The following NIFK variants were observed in gnomAD, a reference collection of about 807,000 sequenced individuals.
NIFK encodes the protein nucleolar protein interacting with the FHA domain of MKI67.
Under a neutral mutation model 31.7 loss-of-function variants are expected in NIFK, and 16 were observed. That is an observed-to-expected ratio of 0.50 (90% CI 0.34 to 0.77). The LOEUF (loss-of-function observed/expected upper bound fraction) is 0.77, where lower values mean the gene tolerates loss of function less well. Ranked by LOEUF, NIFK falls within the 30% of genes least tolerant of loss-of-function variation. The pLI, the probability that NIFK is intolerant of heterozygous loss-of-function variation, is 0.01. For synonymous variants in NIFK, 126 were observed against 123.0 expected, an observed-to-expected ratio of 1.02 and a Z score of -0.16; for missense variants, 341 against 350.4, an observed-to-expected ratio of 0.97 and a Z score of 0.21.
Position 121,734,252 on chromosome 2 carries a change from C to T in NIFK, c.243+1361G>A, listed in dbSNP as rs191116010. ...CAGAGGTTGCAGTGAGCCGAGATCG[C>T]CCCCCAAAACAAAACCTAATGTTCA... On this transcript the variant is annotated intron_variant, in intron 2 of 6. Coordinates refer to ENST00000285814, the MANE Select transcript of NIFK (RefSeq NM_032390.5). 4.2e-4 allele frequency among the ~76,000 whole-genome samples: 63 copies of T among 151,620 alleles called. No individual in the cohort carries two copies. The East Asian group carries it at 0.012, about 30-fold the overall frequency.
intron 3 of NIFK, 101 bp from the exon 4 acceptor site, chr2:121,731,205 T>G (rs192710757): frequency 3.0e-6 from 2 of 656,436 alleles, no homozygotes; most frequent in Non-Finnish European, 5.2e-6. Context: ...CTGGGTACAG[T>G]GGCTCACACC....
chr2:121,733,376 G>A (rs1183099414), intron 2 of NIFK, among the ~76,000 whole-genome samples: 1 of 151,980 alleles, frequency 6.6e-6, no homozygotes, highest in African/African-American at 2.4e-5. Flanking sequence ...TTAGCTGGGT[G>A]TGGTGGTGCA....
intron 1 of NIFK, among the ~76,000 whole-genome samples, chr2:121,735,970 G>A (rs1014707039): frequency 6.6e-6 from 1 of 152,120 alleles, no homozygotes; most frequent in Non-Finnish European, 1.5e-5. Flanking sequence ...TATAATATTA[G>A]AGCTCAATAA....
In NIFK at chr2:121,728,520, T is replaced by C. The variant is rs773329467; in HGVS notation, c.581A>G (p.Glu194Gly). The change falls in exon 5 of 7, where the codon GAA (glutamate) becomes GGA (glycine). Residue 194 changes from glutamate to glycine, a missense_variant. By Grantham distance (98) the Glu-to-Gly change is moderately conservative. Transcript: ENST00000285814. ...CTGACGATTAGTTTTTGAAATACTT[T>C]CCGTTTTCTGTAAAATCTTTAATAA... is the stretch of plus-strand genomic sequence containing the variant. ...DFPSLILQKT[E>G]SISKTNRQTS... 1.9e-6 allele frequency: 3 copies of C among 1,580,088 alleles called. No individual in the cohort carries two copies. The South Asian group carries it at 3.5e-5, about 19-fold the overall frequency.
intron 4 of NIFK, among the ~76,000 whole-genome samples, chr2:121,730,018 G>C (rs1477412421): frequency 3.3e-5 from 5 of 152,138 alleles, no homozygotes; most frequent in Non-Finnish European, 7.3e-5. Context: ...TTCGAGACCA[G>C]ACTGACCAAC....
intron 3 of NIFK, among the ~76,000 whole-genome samples, chr2:121,731,856 A>T (rs1205356210): frequency 6.6e-6 from 1 of 152,184 alleles, no homozygotes; most frequent in African/African-American, 2.4e-5. Context: ...TGCTCCTCCC[A>T]TGTGTCCCCA....
At chr2:121,731,330 G>A in intron 3 of NIFK, 1 of 517,264 alleles carries the variant, frequency 1.9e-6, no homozygotes, top group East Asian at 3.3e-5. Flanking sequence ...CATGGGCACA[G>A]GGAAGCCAGA....
intron 4 of NIFK, among the ~76,000 whole-genome samples, chr2:121,730,121 G>A (rs2074526918): frequency 6.6e-6 from 1 of 152,206 alleles, no homozygotes; most frequent in South Asian, 2.1e-4. Context: ...GGGTGAGGCA[G>A]GAGAATTGCT....
At chr2:121,729,259 C>T (rs930696666) in intron 4 of NIFK, among the ~76,000 whole-genome samples, 2 of 150,260 alleles carry the variant, frequency 1.3e-5, no homozygotes, top group African/African-American at 4.9e-5. Context: ...CCCAGCTACT[C>T]GTGGGGGCTG....
rs997279328 is a variant in NIFK, at chr2:121,727,095, C to G, written c.*629G>C. 3 of 165,246 alleles carry G rather than the reference C, an allele frequency of 1.8e-5. No individual in the cohort carries two copies. The highest frequency in any genetic ancestry group is 7.2e-5 in the African/African-American group (3 of 41,520). The allele number at this position is 165,246 out of a possible 1,614,324, so 10.2% of individuals were successfully genotyped here. On this transcript the variant is annotated 3_prime_UTR_variant, in exon 7 of 7. Transcript: ENST00000285814. ...TGGTTATTGTTTGAATCTTGAAATA[C>G]AATTCTTCACTGATGATACTGGTAT... is the stretch of plus-strand genomic sequence containing the variant.
intron 2 of NIFK, among the ~76,000 whole-genome samples, chr2:121,734,656 G>A (rs1030170913): frequency 6.6e-6 from 1 of 152,118 alleles, no homozygotes; most frequent in African/African-American, 2.4e-5. Flanking sequence ...AGCCAGGCAT[G>A]GTGGCAGGCG....
Position 121,728,348 on chromosome 2 carries a change from AC to A in NIFK, c.632del (p.Arg211LeufsTer42), listed in dbSNP as rs1416215077. 1 of 1,599,658 alleles carries A rather than the reference AC, an allele frequency of 6.3e-7. No individual in the cohort carries two copies. The highest frequency in any genetic ancestry group is 8.6e-7 in the Non-Finnish European group (1 of 1,168,754). Reference protein sequence around the residue: ...RQTSTKGQVLRKKKKKVSGTL... With the variant: ...RQTSTKGQVLXKKKKKVSGTL... ...TACCTGAAACTTTTTTCTTCTTCTT[AC>A]GTAAAACCTTAAAATAAATTTTAAA... is the stretch of plus-strand genomic sequence containing the variant. On this transcript the variant is annotated frameshift_variant, in exon 6 of 7. Transcript: ENST00000285814. LOFTEE classifies it high-confidence loss of function.
rs949825320 is a variant in NIFK at position 121,728,507 on chromosome 2, T to C, written c.594A>G (p.Lys198=). Residue 198 remains lysine, a synonymous_variant, in exon 5 of 7, where the codon AAA becomes AAG. Transcript: ENST00000285814. The part of the protein sequence containing the change: ...LILQKTESIS[K]TNRQTSTKGQ... ...CTTTTGTAGACGTCTGACGATTAGT[T>C]TTTGAAATACTTTCCGTTTTCTGTA... 2 of 1,585,820 alleles carry C rather than the reference T, an allele frequency of 1.3e-6. No homozygotes were observed. Among genetic ancestry groups the C allele is most frequent in the African/African-American group, 2.7e-5 (2 of 73,242 alleles).
intron 4 of NIFK, among the ~76,000 whole-genome samples, chr2:121,729,236 G>C (rs1355265679): frequency 6.6e-6 from 1 of 151,916 alleles, no homozygotes; most frequent in South Asian, 2.1e-4. Context: ...GTGTGGTGGT[G>C]TGTGCCTGTA....
At chr2:121,733,816 GTGC>G (rs1401742084) in intron 2 of NIFK, among the ~76,000 whole-genome samples, 2 of 152,136 alleles carry the variant, frequency 1.3e-5, no homozygotes. Flanking sequence ...ATATGTATGT[GTGC>G]TGGTTTGTGC....
In NIFK at chr2:121,736,739, T is replaced by G. The variant is rs113917674; in HGVS notation, c.105+7A>C. 6.2e-7 allele frequency: 1 copy of G among 1,611,760 alleles called. No homozygotes were observed. The highest frequency in any genetic ancestry group is 8.5e-7 in the Non-Finnish European group (1 of 1,177,822). On this transcript the variant is annotated splice_region_variant and intron_variant, in intron 1 of 6. Coordinates refer to ENST00000285814, the MANE Select transcript of NIFK (RefSeq NM_032390.5). The stretch of plus-strand genomic sequence containing the variant: ...CGCTCGCAGCCTGGGCCAGGGTGCC[T>G]GCTCACCTGGGTTATGCGCTTGCGA...
At chr2:121,728,908 C>G (rs1573372740) in intron 4 of NIFK, among the ~76,000 whole-genome samples, 1 of 152,182 alleles carries the variant, frequency 6.6e-6, no homozygotes, top group East Asian at 1.9e-4. Context: ...TTCACTGTCT[C>G]AGTTCCCAAA....
At position 121,727,873 on chromosome 2, in the gene NIFK, G is replaced by T. The variant is rs189181268; in HGVS notation, c.733C>A (p.Arg245=). 2 of 1,606,334 alleles carry T rather than the reference G, an allele frequency of 1.2e-6. No homozygotes were observed. The highest frequency in any genetic ancestry group is 1.7e-6 in the Non-Finnish European group (2 of 1,178,596). The part of the protein sequence containing the change: ...PVCTPTFLER[R]KSQVAELNDD... ...TTCAGTTCAGCCACTTGAGATTTTC[G>T]CCTCTCCAAAAATGTTGGTGTACAA... The change falls in exon 7 of 7, where the codon CGA becomes AGA. Residue 245 remains arginine (R), a synonymous_variant. Transcript: ENST00000285814.
chr2:121,729,900 C>A (rs1190591980), intron 4 of NIFK, among the ~76,000 whole-genome samples: 1 of 152,144 alleles, frequency 6.6e-6, no homozygotes, highest in Non-Finnish European at 1.5e-5. Context: ...TTAGGAAGAA[C>A]CTACAATGGA....
Sources: gnomAD v4.1 joint callset for allele counts (sites outside exome capture counted in the v4.1 genomes callset) on GRCh38, gnomAD v4.1.1 for gene constraint, MANE v1.5 for transcripts, NCBI Gene and HGNC (gene_info 2026-07-23, HGNC 2026-07-21) for gene names.